TMEM242: variants seen among roughly 807,000 people sequenced by gnomAD.
TMEM242 encodes the protein transmembrane protein 242.
Under a neutral mutation model 18.2 loss-of-function variants are expected in TMEM242, and 10 were observed. The observed-to-expected ratio is 0.55, with a 90% CI of 0.34 to 0.93. The LOEUF is 0.93. Ranked by LOEUF, TMEM242 falls within the 40% of genes least tolerant of loss-of-function variation. The pLI, the probability that TMEM242 is intolerant of heterozygous loss-of-function variation, is 0.02. For synonymous variants in TMEM242, 57 were observed against 69.9 expected, an observed-to-expected ratio of 0.81 and a Z score of 0.92; for missense variants, 186 against 175.5, an observed-to-expected ratio of 1.06 and a Z score of -0.34.
At chr6:157,312,431 G>GA (rs1778185896) in intron 3 of TMEM242, among the ~76,000 whole-genome samples, 3 of 87,820 alleles carry the variant, frequency 3.4e-5, no homozygotes, top group Non-Finnish European at 6.8e-5. Flanking sequence ...TAGTGTCACA[G>GA]TGTGCACTCA....
At chr6:157,323,342 C>T in intron 1 of TMEM242, 70 bp downstream of exon 1, 1 of 1,526,810 alleles carries the variant, frequency 6.5e-7, no homozygotes. Flanking sequence ...TGGGAATGCC[C>T]GCTCCAGAGC....
Position 157,323,471 on chromosome 6 carries a change from T to C in TMEM242, c.29A>G (p.Gln10Arg). Reference protein sequence around the residue: METAGAATGQPASGLEAPGS... With the variant: METAGAATGRPASGLEAPGS... Reference sequence around the variant, plus strand: ...CGGAGCCTCCAGCCCAGAGGCCGGCTGCCCAGTTGCAGCGCCCGCTGTCTC... The same window carrying C: ...CGGAGCCTCCAGCCCAGAGGCCGGCCGCCCAGTTGCAGCGCCCGCTGTCTC... The change falls in exon 1 of 4, where the codon CAG becomes CGG. Residue 10 changes from glutamine to arginine, a missense_variant. By Grantham distance (43) the Gln-to-Arg change is conservative. Coordinates refer to ENST00000400788, the MANE Select transcript of TMEM242 (RefSeq NM_018452.6). The C allele has an allele frequency of 6.2e-7, 1 of 1,614,010 alleles. No homozygotes were observed. The highest frequency in any genetic ancestry group is 1.1e-5 in the South Asian group (1 of 91,080).
intron 3 of TMEM242, among the ~76,000 whole-genome samples, chr6:157,308,206 G>A (rs782595577): frequency 2.4e-4 from 36 of 152,274 alleles, no homozygotes; most frequent in Middle Eastern, 6.8e-3. Flanking sequence ...ACTCTACAAC[G>A]CTGCTTCATT....
rs782587701 is a variant in TMEM242, at chr6:157,323,485, G to A, written c.15C>T (p.Gly5=). META[G]AATGQPASGL... is the part of the protein sequence containing the mutation. ...CAGAGGCCGGCTGCCCAGTTGCAGC[G>A]CCCGCTGTCTCCATGTTTAGGTCGC... is the stretch of plus-strand genomic sequence containing the variant. The change falls in exon 1 of 4, where the codon GGC becomes GGT. Residue 5 remains glycine, a synonymous_variant. Transcript: ENST00000400788. 1.9e-6 allele frequency: 3 copies of A among 1,613,870 alleles called. No individual in the cohort carries two copies. Among genetic ancestry groups the A allele is most frequent in the South Asian group, 1.1e-5 (1 of 91,076 alleles).
chr6:157,312,912 T>A (rs1778227820), intron 3 of TMEM242, among the ~76,000 whole-genome samples: 1 of 152,066 alleles, frequency 6.6e-6, no homozygotes, highest in Non-Finnish European at 1.5e-5. Context: ...CACTGTGCGC[T>A]CACCCGGCAT....
intron 3 of TMEM242, chr6:157,300,211 A>C (rs1583557331): frequency 2.2e-6 from 1 of 446,100 alleles, no homozygotes; most frequent in Non-Finnish European, 4.2e-6. Flanking sequence ...CATTAGCAGC[A>C]CCTTCAGCCC....
At chr6:157,309,222 T>C (rs1777958587) in intron 3 of TMEM242, among the ~76,000 whole-genome samples, 1 of 152,224 alleles carries the variant, frequency 6.6e-6, no homozygotes, top group Non-Finnish European at 1.5e-5. Flanking sequence ...GTTTCTAATG[T>C]AATTATGATT....
intron 3 of TMEM242, among the ~76,000 whole-genome samples, chr6:157,313,294 C>A (rs1271367119): frequency 1.6e-5 from 1 of 63,932 alleles, no homozygotes. Context: ...GCTCATCCGG[C>A]ATCATCATAG....
chr6:157,294,053 T>C (rs976913504), intron 3 of TMEM242, among the ~76,000 whole-genome samples: 6 of 152,030 alleles, frequency 3.9e-5, no homozygotes, highest in Non-Finnish European at 5.9e-5. Context: ...TCACACAGTA[T>C]TACAGTTTAC....
chr6:157,318,696 C>A, intron 3 of TMEM242, 86 bp downstream of exon 3: 1 of 1,554,016 alleles, frequency 6.4e-7, no homozygotes. Flanking sequence ...AAACTACATG[C>A]AAATAAATTT....
intron 2 of TMEM242, 81 bp downstream of exon 2, chr6:157,322,624 A>G: frequency 8.7e-7 from 1 of 1,148,452 alleles, no homozygotes; most frequent in Non-Finnish European, 1.3e-6. Flanking sequence ...AAAGACCATC[A>G]ATATTTTATT....
intron 2 of TMEM242, among the ~76,000 whole-genome samples, chr6:157,322,451 T>C (rs1398074383): frequency 6.6e-6 from 1 of 152,192 alleles, no homozygotes; most frequent in Admixed American, 6.5e-5. Context: ...TTCAAAGTCA[T>C]GTTGTGAATA....
At chr6:157,297,629 T>C (rs1164534398) in intron 3 of TMEM242, among the ~76,000 whole-genome samples, 2 of 152,168 alleles carry the variant, frequency 1.3e-5, no homozygotes, top group African/African-American at 4.8e-5. Flanking sequence ...AATAAAGCAG[T>C]ATGGGAGTTC....
chr6:157,320,833 C>T (rs996152913), intron 2 of TMEM242, among the ~76,000 whole-genome samples: 1 of 152,172 alleles, frequency 6.6e-6, no homozygotes, highest in Non-Finnish European at 1.5e-5. Context: ...AAAAGACAAG[C>T]TCATTTTATT....
intron 3 of TMEM242, among the ~76,000 whole-genome samples, chr6:157,302,952 C>T (rs1554247628): frequency 2.0e-5 from 3 of 152,202 alleles, no homozygotes; most frequent in Non-Finnish European, 2.9e-5. Flanking sequence ...TCACACCCAG[C>T]TCTCAAATCC....
chr6:157,312,926 C>T (rs1554249522), intron 3 of TMEM242, among the ~76,000 whole-genome samples: 5 of 146,236 alleles, frequency 3.4e-5, no homozygotes, highest in African/African-American at 1.0e-4. Context: ...CCGGCATCAT[C>T]ATAGTGCCCC....
chr6:157,301,908 G>A lies in TMEM242; in HGVS notation c.328-8909C>T, dbSNP rs1434162320. On this transcript the variant is annotated intron_variant, in intron 3 of 3. Coordinates refer to ENST00000400788, the MANE Select transcript of TMEM242 (RefSeq NM_018452.6). Reference sequence around the variant, plus strand: ...GTTCATGACACTGCACTCCAGCCTGGGCGATAGAGCAAGACTCCGTCTCAA... The same window carrying A: ...GTTCATGACACTGCACTCCAGCCTGAGCGATAGAGCAAGACTCCGTCTCAA... Among the ~76,000 whole-genome samples, 5 of 152,226 alleles carry A rather than the reference G, an allele frequency of 3.3e-5. No homozygotes were observed. In the East Asian group the frequency reaches 9.7e-4, roughly 30 times the overall value.
rs1778444451 is a variant in TMEM242, at chr6:157,318,576, T to G, written c.327+206A>C. ...ATAAATTAGTCATTACTTAATTATA[T>G]TTGAAGTTTTACCACCTTCAAAAAT... On this transcript the variant is annotated intron_variant, in intron 3 of 3. Coordinates refer to ENST00000400788, the MANE Select transcript of TMEM242 (RefSeq NM_018452.6). 3 of 553,924 alleles carry G rather than the reference T, an allele frequency of 5.4e-6. No individual in the cohort carries two copies. The African/African-American group carries it at 5.8e-5, about 11-fold the overall frequency. 34.3% of individuals were successfully genotyped at this position (553,924 alleles called of 1,614,324 possible).
intron 3 of TMEM242, among the ~76,000 whole-genome samples, chr6:157,310,925 C>A (rs1554248503): frequency 2.0e-4 from 30 of 152,280 alleles, no homozygotes; most frequent in African/African-American, 6.5e-4. Flanking sequence ...TGTGCACTCA[C>A]CTAGCCTCAT....
Sources: allele counts gnomAD v4.1 joint callset (sites outside exome capture counted in the v4.1 genomes callset), GRCh38; gene constraint gnomAD v4.1.1; transcripts MANE v1.5; gene names NCBI Gene and HGNC (gene_info 2026-07-23, HGNC 2026-07-21).